MAP1B: variants seen among roughly 807,000 people sequenced by gnomAD.
MAP1B encodes microtubule associated protein 1B.
A neutral mutation model predicts 176.1 loss-of-function variants in MAP1B; 12 were observed. That is an observed-to-expected ratio of 0.07 (90% CI 0.04 to 0.11). The LOEUF (loss-of-function observed/expected upper bound fraction) is 0.11, where lower values mean the gene tolerates loss of function less well. Among genes scored for constraint, MAP1B ranks in the 10% least tolerant of loss-of-function variants. The probability of loss-of-function intolerance (pLI) is 1.00; values close to 1 mark genes in which losing one functional copy is unlikely to be tolerated. For missense variants in MAP1B, 2,523 were observed against 2,990.5 expected, an observed-to-expected ratio of 0.84 and a Z score of 3.65; for synonymous variants, 1,044 against 1,135.0, an observed-to-expected ratio of 0.92 and a Z score of 1.61.
At chr5:72,181,244 G>C (rs780513167) in intron 2 of MAP1B, among the ~76,000 whole-genome samples, 1 of 152,186 alleles carries the variant, frequency 6.6e-6, no homozygotes, top group African/African-American at 2.4e-5. Context: ...CTTGGTAACA[G>C]TGATGGTGGT....
chr5:72,135,154 A>G (rs1745814641), intron 2 of MAP1B, among the ~76,000 whole-genome samples: 2 of 151,756 alleles, frequency 1.3e-5, no homozygotes, highest in Non-Finnish European at 1.5e-5. Context: ...GAGTCAGAAA[A>G]TCTAGGTTCA....
At chr5:72,130,816 A>G (rs943901117) in intron 2 of MAP1B, among the ~76,000 whole-genome samples, 18 of 152,224 alleles carry the variant, frequency 1.2e-4, no homozygotes, top group Admixed American at 8.5e-4. Context: ...GGTCCTATTT[A>G]TGTTAATATT....
In MAP1B at chr5:72,193,910, C is replaced by T. The variant is rs763765294; in HGVS notation, c.555C>T (p.Ser185=). ...LSTTHPANKA[S]LTLFCPEEGD... is the part of the protein sequence containing the mutation. ...CCACCCATCCTGCCAACAAAGCCAGCTTAACCCTGTTCTGTCCTGAAGAAG... is the reference window on the plus strand; with the variant it reads ...CCACCCATCCTGCCAACAAAGCCAGTTTAACCCTGTTCTGTCCTGAAGAAG... The change falls in exon 5 of 7, where the codon AGC becomes AGT. Residue 185 remains serine (S), a synonymous_variant. Coordinates refer to ENST00000296755, the MANE Select transcript of MAP1B (RefSeq NM_005909.5). 2 of 1,612,728 alleles carry T rather than the reference C, an allele frequency of 1.2e-6. No individual in the cohort carries two copies. The highest frequency in any genetic ancestry group is 3.3e-5 in the Admixed American group (2 of 59,840).
chr5:72,158,684 T>A (rs574477466), intron 2 of MAP1B, among the ~76,000 whole-genome samples: 2 of 152,196 alleles, frequency 1.3e-5, no homozygotes, highest in East Asian at 3.8e-4. Flanking sequence ...GAAATGAATA[T>A]GGAAGGCGAC....
intron 5 of MAP1B, among the ~76,000 whole-genome samples, chr5:72,202,715 T>G (rs1747358037): frequency 6.6e-6 from 1 of 152,200 alleles, no homozygotes; most frequent in Non-Finnish European, 1.5e-5. Context: ...GTGATTCTGA[T>G]TATATAGTCA....
At chr5:72,191,318 A>G (rs1747021283) in intron 4 of MAP1B, among the ~76,000 whole-genome samples, 1 of 152,272 alleles carries the variant, frequency 6.6e-6, no homozygotes. Flanking sequence ...AAGAAGCCTC[A>G]GTTTCCAAGT....
rs961788111 is a variant in MAP1B, at chr5:72,200,304, G to A, written c.6949G>A (p.Asp2317Asn). 1.9e-6 allele frequency: 3 copies of A among 1,614,236 alleles called. No homozygotes were observed. Among genetic ancestry groups the A allele is most frequent in the Non-Finnish European group, 1.7e-6 (2 of 1,180,042 alleles). Residue 2317 changes from aspartate to asparagine, a missense_variant, in exon 5 of 7, where the codon GAC becomes AAC. Asp to Asn is a conservative substitution (Grantham distance 23). This residue lies in a region of MAP1B where 287 missense variants were observed against 401.5 expected (regional missense o/e 0.71). Coordinates refer to ENST00000296755, the MANE Select transcript of MAP1B (RefSeq NM_005909.5). ...EVKAARGEEK[D>N]KETKNAANAS... ...CAAAGCTGCACGTGGGGAAGAGAAA[G>A]ACAAGGAGACCAAGAATGCTGCCAA...
chr5:72,193,764 C>A, intron 4 of MAP1B, 102 bp from the exon 5 acceptor site: 1 of 1,288,616 alleles, frequency 7.8e-7, no homozygotes, highest in Non-Finnish European at 1.0e-6. Flanking sequence ...GTCCTATGTG[C>A]ATCCTGTGAT....
intron 2 of MAP1B, among the ~76,000 whole-genome samples, chr5:72,166,332 C>T (rs1455306217): frequency 2.0e-5 from 3 of 152,116 alleles, no homozygotes; most frequent in Admixed American, 6.5e-5. Flanking sequence ...CCCTTTCCAG[C>T]CTCTGGGGAG....
At chr5:72,135,664 A>C (rs1745826597) in intron 2 of MAP1B, among the ~76,000 whole-genome samples, 1 of 152,182 alleles carries the variant, frequency 6.6e-6, no homozygotes, top group Non-Finnish European at 1.5e-5. Flanking sequence ...TTTGGATCCC[A>C]GAATGTTCCT....
rs575095625 is a variant in MAP1B at position 72,132,953 on chromosome 5, GAGGGT to G, written c.286+17155_286+17159del. 2.6e-5 allele frequency among the ~76,000 whole-genome samples: 4 copies of G among 152,258 alleles called. No homozygotes were observed. In the South Asian group the frequency reaches 8.3e-4, roughly 32 times the overall value. ...TGTCCAGGTTCAGCATTTGCCAGCA[GAGGGT>G]TGTAGGGACTCCTTAGCAAGGCTGC... On this transcript the variant is annotated intron_variant, in intron 2 of 6. Coordinates refer to ENST00000296755, the MANE Select transcript of MAP1B (RefSeq NM_005909.5).
At chr5:72,114,238 G>A (rs888128304) in intron 1 of MAP1B, among the ~76,000 whole-genome samples, 2 of 151,890 alleles carry the variant, frequency 1.3e-5, no homozygotes, top group African/African-American at 2.4e-5. Flanking sequence ...TAATGTCTAT[G>A]TATAATCCAC....
At chr5:72,132,121 T>C (rs1224130630) in intron 2 of MAP1B, among the ~76,000 whole-genome samples, 2 of 152,226 alleles carry the variant, frequency 1.3e-5, no homozygotes, top group Admixed American at 6.5e-5. Flanking sequence ...CCTTCACCAT[T>C]AAATCTAATG....
chr5:72,172,509 C>A (rs1746565456), intron 2 of MAP1B, among the ~76,000 whole-genome samples: 1 of 151,806 alleles, frequency 6.6e-6, no homozygotes, highest in African/African-American at 2.4e-5. Context: ...GGTTTTGAGA[C>A]CGAATAATAG....
chr5:72,128,961 A>AT (rs1745676493), intron 2 of MAP1B, among the ~76,000 whole-genome samples: 1 of 152,138 alleles, frequency 6.6e-6, no homozygotes, highest in Non-Finnish European at 1.5e-5. Context: ...TGAAAACGTA[A>AT]TTTTTTAAAT....
chr5:72,144,079 G>A (rs995701364), intron 2 of MAP1B, among the ~76,000 whole-genome samples: 7 of 152,098 alleles, frequency 4.6e-5, no homozygotes, highest in Non-Finnish European at 1.0e-4. Context: ...TTTAACTAAT[G>A]ACTTCTATAA....
At position 72,198,838 on chromosome 5, in the gene MAP1B, A is replaced by G; in HGVS notation, c.5483A>G (p.Glu1828Gly). ...CCACCAATAGATGCAGCATCCGCAGAGCCCTATGGCTTCCGTGCCTCAGTG... is the reference window on the plus strand; with the variant it reads ...CCACCAATAGATGCAGCATCCGCAGGGCCCTATGGCTTCCGTGCCTCAGTG... ...SSPPIDAASA[E>G]PYGFRASVLF... The change falls in exon 5 of 7, where the codon GAG becomes GGG. Residue 1828 changes from glutamate (E) to glycine (G), a missense_variant. Glu to Gly is a moderately conservative substitution (Grantham distance 98). Around this residue, in one of 4 missense-constraint regions of MAP1B, gnomAD observed 1,925 missense variants for 2,126.0 expected, o/e 0.91. Coordinates refer to ENST00000296755, the MANE Select transcript of MAP1B (RefSeq NM_005909.5). The G allele has an allele frequency of 6.2e-7, 1 of 1,614,238 alleles. No homozygotes were observed. Among genetic ancestry groups the G allele is most frequent in the Non-Finnish European group, 8.5e-7 (1 of 1,180,044 alleles).
intron 4 of MAP1B, among the ~76,000 whole-genome samples, chr5:72,190,401 C>T (rs63338061): frequency 0.24 from 36,225 of 152,122 alleles, 5,529 homozygotes; most frequent in Non-Finnish European, 0.35. Context: ...CAACTAAAAT[C>T]CCTGAGTCTT....
At chr5:72,187,117 G>A (rs1253624635) in intron 4 of MAP1B, among the ~76,000 whole-genome samples, 1 of 152,142 alleles carries the variant, frequency 6.6e-6, no homozygotes, top group African/African-American at 2.4e-5. Flanking sequence ...GGGGCTTTTG[G>A]CACCTCGTTT....
Sources: allele counts gnomAD v4.1 joint callset (sites outside exome capture counted in the v4.1 genomes callset), GRCh38; gene constraint gnomAD v4.1.1; regional missense constraint gnomAD v4.1.1; transcripts MANE v1.5; gene names NCBI Gene and HGNC (gene_info 2026-07-23, HGNC 2026-07-21).